The following FAM169A variants were observed in gnomAD, a reference collection of about 807,000 sequenced individuals.
The protein encoded by FAM169A is family with sequence similarity 169 member A.
A neutral mutation model predicts 75.7 loss-of-function variants in FAM169A; 24 were observed. The ratio of observed to expected loss-of-function variants is 0.32; its 90% confidence interval spans 0.23 to 0.45. The LOEUF (loss-of-function observed/expected upper bound fraction) is 0.45, where lower values mean the gene tolerates loss of function less well. Among genes scored for constraint, FAM169A ranks in the 20% least tolerant of loss-of-function variants. The probability of loss-of-function intolerance (pLI) is 1.00; values close to 1 mark genes in which losing one functional copy is unlikely to be tolerated. For synonymous variants in FAM169A, 271 were observed against 271.0 expected, an observed-to-expected ratio of 1.00 and a Z score of 0.00; for missense variants, 673 against 784.0, an observed-to-expected ratio of 0.86 and a Z score of 1.69.
At chr5:74,866,947 G>T (rs547620321), upstream of FAM169A, 2 of 985,452 alleles carry the variant, frequency 2.0e-6, no homozygotes, top group Middle Eastern at 5.2e-4. Flanking sequence ...AGTTAGAATC[G>T]TGGGCTGCTT....
Position 74,800,882 on chromosome 5 carries a change from G to C in FAM169A, c.1101C>G (p.Asn367Lys), listed in dbSNP as rs1746536555. The C allele has an allele frequency of 7.1e-7, 1 of 1,413,848 alleles. No homozygotes were observed. The highest frequency in any genetic ancestry group is 2.5e-5 in the Admixed American group (1 of 40,362). The allele number at this position is 1,413,848 out of a possible 1,614,324, so 87.6% of individuals were successfully genotyped here. Reference protein sequence around the residue: ...TSQTSLTASINKLESTARPSE... With the variant: ...TSQTSLTASIKKLESTARPSE... ...GAGTAAAATCAACAATTATTTACTT[G>C]TTTATTGAAGCTGTAAGTGAAGTCT... The change falls in exon 10 of 13, where the codon AAC (asparagine) becomes AAG (lysine). Residue 367 changes from asparagine (N) to lysine (K), a missense_variant and splice_region_variant. By Grantham distance (94) the Asn-to-Lys change is moderately conservative (BLOSUM62 0). Around this residue, in one of 3 missense-constraint regions of FAM169A, gnomAD observed 510 missense variants for 550.9 expected, o/e 0.93. Coordinates refer to ENST00000687041, the MANE Select transcript of FAM169A (RefSeq NM_001376049.1).
intron 10 of FAM169A, chr5:74,799,548 G>T: frequency 6.5e-7 from 1 of 1,530,934 alleles, no homozygotes; most frequent in South Asian, 1.1e-5. Context: ...GCATGCCCTG[G>T]GACAGCAAGA....
At chr5:74,827,382 T>C (rs548959828) in intron 5 of FAM169A, among the ~76,000 whole-genome samples, 50 of 152,252 alleles carry the variant, frequency 3.3e-4, no homozygotes, top group Middle Eastern at 6.8e-3. Flanking sequence ...AATATTTCTA[T>C]GATATTTATT....
intron 6 of FAM169A, among the ~76,000 whole-genome samples, chr5:74,810,447 G>A (rs539512321): frequency 1.3e-5 from 2 of 151,954 alleles, no homozygotes; most frequent in Admixed American, 6.6e-5. Context: ...TTTTGTGTAC[G>A]GTACATGTAC....
chr5:74,839,298 G>C (rs1328814794), intron 3 of FAM169A, among the ~76,000 whole-genome samples: 1 of 152,010 alleles, frequency 6.6e-6, no homozygotes, highest in Non-Finnish European at 1.5e-5. Flanking sequence ...ACATGTAGAG[G>C]GAGGGACCTG....
intron 5 of FAM169A, among the ~76,000 whole-genome samples, chr5:74,818,789 CTCTCTCTCTCTCTCTA>C (rs1177890397): frequency 3.3e-4 from 45 of 138,152 alleles, no homozygotes; most frequent in African/African-American, 1.3e-3. Flanking sequence ...CTCTCTCTCT[CTCTCTCTCTCTCTCTA>C]TATATATATA....
intron 11 of FAM169A, among the ~76,000 whole-genome samples, chr5:74,789,558 C>A (rs1745869471): frequency 6.6e-6 from 1 of 152,228 alleles, no homozygotes; most frequent in African/African-American, 2.4e-5. Flanking sequence ...GGCTCTGCGA[C>A]AGGTCCAGGC....
chr5:74,822,182 AG>A (rs1294023206), intron 5 of FAM169A, among the ~76,000 whole-genome samples: 1 of 152,240 alleles, frequency 6.6e-6, no homozygotes, highest in Non-Finnish European at 1.5e-5. Flanking sequence ...GTGGTCCACC[AG>A]GGCCACCAAG....
rs1486305610 is a variant in FAM169A at position 74,778,341 on chromosome 5, A to G, written c.*3119T>C. 2 of 152,050 alleles carry G rather than the reference A, an allele frequency of 1.3e-5. No homozygotes were observed. Among genetic ancestry groups the G allele is most frequent in the African/African-American group, 4.8e-5 (2 of 41,446 alleles). The allele number at this position is 152,050 out of a possible 1,614,324, so 9.4% of individuals were successfully genotyped here. ...GTTTGCTGGTGTGACCAAACCTTAGAAGGTAATCCCAAGGGATAAAGCAGA... is the reference window on the plus strand; with the variant it reads ...GTTTGCTGGTGTGACCAAACCTTAGGAGGTAATCCCAAGGGATAAAGCAGA... On this transcript the variant is annotated 3_prime_UTR_variant, in exon 13 of 13. Transcript: ENST00000687041.
intron 11 of FAM169A, among the ~76,000 whole-genome samples, chr5:74,783,342 C>A (rs1223186888): frequency 6.6e-6 from 1 of 152,164 alleles, no homozygotes. Flanking sequence ...CTGAGTACCC[C>A]GTACTCCCAC....
chr5:74,812,052 T>C (rs978348983), intron 6 of FAM169A, among the ~76,000 whole-genome samples: 2 of 152,224 alleles, frequency 1.3e-5, no homozygotes, highest in African/African-American at 4.8e-5. Context: ...GCTTCGACCA[T>C]ATTGGCAACA....
chr5:74,848,749 G>A (rs991523961), intron 1 of FAM169A: 1 of 152,086 alleles, frequency 6.6e-6, no homozygotes, highest in Non-Finnish European at 1.5e-5. Context: ...TTGAGTCTTG[G>A]TTAATTTAAG....
At chr5:74,791,266 T>A (rs190346881) in intron 11 of FAM169A, among the ~76,000 whole-genome samples, 1 of 152,264 alleles carries the variant, frequency 6.6e-6, no homozygotes, top group East Asian at 1.9e-4. Context: ...AAGCATCCAG[T>A]ATATGGTACT....
At chr5:74,841,494 T>C in intron 2 of FAM169A, 51 bp downstream of exon 2, 1 of 1,385,346 alleles carries the variant, frequency 7.2e-7, no homozygotes, top group Non-Finnish European at 9.8e-7. Context: ...ATTTATTTCA[T>C]GTATAAACTG....
chr5:74,799,311 C>T (rs1174993294), intron 10 of FAM169A: 1 of 1,597,258 alleles, frequency 6.3e-7, no homozygotes, highest in Non-Finnish European at 8.6e-7. Context: ...AGTGGTCCGC[C>T]CTAGAGAACA....
chr5:74,783,198 A>G (rs1580067997), intron 11 of FAM169A, 64 bp from the exon 12 acceptor site: 3 of 1,206,790 alleles, frequency 2.5e-6, no homozygotes, highest in East Asian at 4.7e-5. Flanking sequence ...TTTGTCATGC[A>G]TGACGGGTCC....
chr5:74,795,039 C>T lies in FAM169A; in HGVS notation c.1260+991G>A, dbSNP rs1746196338. On this transcript the variant is annotated intron_variant, in intron 11 of 12. Coordinates refer to ENST00000687041, the MANE Select transcript of FAM169A (RefSeq NM_001376049.1). ...TTGGGAGGCTGAGGCGGGCACATCA[C>T]CTGAGGTAAGGAGTTTGAGACCAGC... Among the ~76,000 whole-genome samples the T allele has an allele frequency of 2.6e-5, 4 of 152,198 alleles. No individual in the cohort carries two copies. The South Asian group carries it at 6.2e-4, about 24-fold the overall frequency.
At chr5:74,819,736 T>A (rs1334715757) in intron 5 of FAM169A, among the ~76,000 whole-genome samples, 1 of 152,166 alleles carries the variant, frequency 6.6e-6, no homozygotes, top group Non-Finnish European at 1.5e-5. Context: ...AGGAATAAGG[T>A]GCTGATACAT....
At chr5:74,833,710 AG>A (rs978762102) in intron 5 of FAM169A, among the ~76,000 whole-genome samples, 7 of 152,344 alleles carry the variant, frequency 4.6e-5, no homozygotes, top group Middle Eastern at 3.4e-3. Flanking sequence ...CTTTTGGTCA[AG>A]GTACAAAACA....
Sources: gnomAD v4.1 joint callset for allele counts (sites outside exome capture counted in the v4.1 genomes callset) on GRCh38, gnomAD v4.1.1 for gene constraint, gnomAD v4.1.1 regional missense constraint, MANE v1.5 for transcripts, NCBI Gene and HGNC (gene_info 2026-07-23, HGNC 2026-07-21) for gene names.